The following MFSD1 variants were observed in gnomAD, a reference collection of about 807,000 sequenced individuals.
MFSD1 encodes the protein major facilitator superfamily domain containing 1.
In MFSD1, 59 loss-of-function variants were observed where a neutral mutation model predicts 67.1. The ratio of observed to expected loss-of-function variants is 0.88; its 90% CI spans 0.71 to 1.09. MFSD1 has a LOEUF of 1.09. Ranked by LOEUF, MFSD1 falls within the 50% of genes least tolerant of loss-of-function variation. The pLI is 0.00. For synonymous variants in MFSD1, 213 were observed against 200.3 expected (o/e 1.06, Z -0.54); for missense variants, 552 against 566.1 (o/e 0.97, Z 0.25).
chr3:158,824,516 G>T, intron 13 of MFSD1: 1 of 308,676 alleles, frequency 3.2e-6, no homozygotes, highest in Non-Finnish European at 6.0e-6. Flanking sequence ...GAAGAGTCCT[G>T]AGTATATCCT....
chr3:158,813,306 C>T (rs576588986), intron 6 of MFSD1, among the ~76,000 whole-genome samples: 7 of 152,086 alleles, frequency 4.6e-5, no homozygotes, highest in Admixed American at 6.5e-5. Context: ...CGTCACCATG[C>T]CTGGCTAATT....
At chr3:158,824,069 CTA>C in intron 12 of MFSD1, 53 bp from the exon 13 acceptor site, 1 of 1,181,244 alleles carries the variant, frequency 8.5e-7, no homozygotes, top group Non-Finnish European at 1.3e-6. Context: ...AAGTGTTAGC[CTA>C]TGTGTGAAGA....
chr3:158,821,864 C>A lies in MFSD1; in HGVS notation c.921-120C>A, dbSNP rs371786460. ...ACTGCTTTTTATATTTTTTGATGAG[C>A]ATTTTATAAGAATGTTAAATGAGTT... On this transcript the variant is annotated intron_variant, in intron 10 of 15. Transcript: ENST00000415822. 1.2e-5 allele frequency: 14 copies of A among 1,147,804 alleles called. No individual in the cohort carries two copies. The African/African-American group carries it at 1.2e-4, about 10-fold the overall frequency. The allele number at this position is 1,147,804 out of a possible 1,614,324, so 71.1% of individuals were successfully genotyped here.
At chr3:158,819,841 C>T in intron 8 of MFSD1, 94 bp downstream of exon 8, 1 of 624,908 alleles carries the variant, frequency 1.6e-6, no homozygotes, top group Non-Finnish European at 2.8e-6. Flanking sequence ...GTTGTAAAAC[C>T]AGGTGGAGCT....
intron 6 of MFSD1, among the ~76,000 whole-genome samples, chr3:158,811,296 C>A (rs776776974): frequency 6.6e-6 from 1 of 152,214 alleles, no homozygotes; most frequent in African/African-American, 2.4e-5. Flanking sequence ...GTACTTTTCA[C>A]ATCCTTAGTT....
intron 6 of MFSD1, among the ~76,000 whole-genome samples, chr3:158,811,697 A>G (rs1289044527): frequency 6.6e-6 from 1 of 152,236 alleles, no homozygotes; most frequent in Non-Finnish European, 1.5e-5. Context: ...GTGAAATGCT[A>G]TTGATAGGTC....
intron 2 of MFSD1, 145 bp downstream of exon 2, chr3:158,804,516 AG>A: frequency 1.8e-6 from 1 of 566,000 alleles, no homozygotes. Context: ...ACAAGTTGCA[AG>A]GGGTGTTCTT....
chr3:158,820,655 T>A (rs1205326340), intron 9 of MFSD1, among the ~76,000 whole-genome samples: 4 of 152,200 alleles, frequency 2.6e-5, no homozygotes, highest in Non-Finnish European at 5.9e-5. Context: ...AGGAAACTTA[T>A]AACCATGGCA....
At chr3:158,809,405 T>C (rs1291501773) in intron 6 of MFSD1, 118 bp downstream of exon 6, 1 of 656,472 alleles carries the variant, frequency 1.5e-6, no homozygotes, top group Non-Finnish European at 2.5e-6. Context: ...TATTAACTTT[T>C]ATGGATTTCT....
intron 5 of MFSD1, among the ~76,000 whole-genome samples, chr3:158,808,645 C>T (rs1576899370): frequency 1.3e-5 from 2 of 152,136 alleles, no homozygotes; most frequent in Admixed American, 1.3e-4. Context: ...GTGACTCCCA[C>T]ACTTAGCGGT....
chr3:158,805,587 T>C (rs1729685038), intron 3 of MFSD1, 113 bp downstream of exon 3: 1 of 849,308 alleles, frequency 1.2e-6, no homozygotes, highest in Admixed American at 2.3e-5. Context: ...AACTAATAAT[T>C]TGCTTGAGTT....
In MFSD1 at chr3:158,805,458, C is replaced by G. The variant is rs755350105; in HGVS notation, c.313C>G (p.Arg105Gly). ...LCFFGGFLIDRVFGIRWGTII... is the reference protein window; with the variant it reads ...LCFFGGFLIDGVFGIRWGTII... ...TTTCTTTGGTGGCTTTTTGATAGAC[C>G]GAGTATTTGGAATACGGTAAGCTTG... Residue 105 changes from arginine to glycine, a missense_variant, in exon 3 of 16, where the codon CGA becomes GGA. Transcript: ENST00000415822. The G allele has an allele frequency of 1.2e-6, 2 of 1,611,670 alleles. No homozygotes were observed. The highest frequency in any genetic ancestry group is 2.7e-5 in the African/African-American group (2 of 74,772).
chr3:158,817,841 G>A (rs1273943261), intron 7 of MFSD1, among the ~76,000 whole-genome samples: 3 of 152,082 alleles, frequency 2.0e-5, no homozygotes, highest in Non-Finnish European at 4.4e-5. Flanking sequence ...GCTACCTGAC[G>A]TCTTGTAGTG....
intron 2 of MFSD1, 48 bp downstream of exon 2, chr3:158,804,419 T>G (rs369413923): frequency 7.0e-5 from 105 of 1,508,180 alleles, no homozygotes; most frequent in Non-Finnish European, 9.3e-5. Flanking sequence ...TTAGAGCAAG[T>G]GTAGCGGTGG....
At chr3:158,826,393 C>T (rs1434322786) in intron 14 of MFSD1, among the ~76,000 whole-genome samples, 1 of 151,904 alleles carries the variant, frequency 6.6e-6, no homozygotes, top group Non-Finnish European at 1.5e-5. Flanking sequence ...TAAAAGAAAT[C>T]AGAACTAAGC....
In MFSD1 at chr3:158,802,164, G is replaced by A. The variant is rs771934686; in HGVS notation, c.12G>A (p.Glu4=). Residue 4 remains glutamate (E), a synonymous_variant, in exon 1 of 16, where the codon GAG becomes GAA. Coordinates refer to ENST00000415822, the MANE Select transcript of MFSD1 (RefSeq NM_022736.4). ...CTCCTGCGGGCGCAATGGAGGAGGA[G>A]GATGAGGAAGCGCGGGCGCTCCTGG... MEE[E]DEEARALLAG... is the part of the protein sequence containing the mutation. 6.2e-7 allele frequency: 1 copy of A among 1,612,696 alleles called. No individual in the cohort carries two copies. The highest frequency in any genetic ancestry group is 1.1e-5 in the South Asian group (1 of 90,924).
intron 3 of MFSD1, 71 bp from the exon 4 acceptor site, chr3:158,806,969 A>G: frequency 7.7e-7 from 1 of 1,299,310 alleles, no homozygotes; most frequent in Non-Finnish European, 1.1e-6. Flanking sequence ...TACTAATACT[A>G]ATGTAAACAG....
rs1052449900 is a variant in MFSD1, at chr3:158,829,714, G to A, written c.*732G>A. The stretch of plus-strand genomic sequence containing the variant: ...ATGGATAAATTAAAACACTGCACAC[G>A]GAGTACTTGATGTCTTCTTTTGATT... On this transcript the variant is annotated 3_prime_UTR_variant, in exon 16 of 16. Transcript: ENST00000415822. 1 of 152,136 alleles carries A rather than the reference G, an allele frequency of 6.6e-6. No homozygotes were observed. The highest frequency in any genetic ancestry group is 1.5e-5 in the Non-Finnish European group (1 of 68,020). 9.4% of individuals were successfully genotyped at this position (152,136 alleles called of 1,614,324 possible).
intron 7 of MFSD1, among the ~76,000 whole-genome samples, chr3:158,815,632 T>C (rs1483191924): frequency 1.3e-5 from 2 of 151,846 alleles, no homozygotes; most frequent in African/African-American, 4.8e-5. Flanking sequence ...ACTTTTCAAG[T>C]AGACTTTTTT....
Sources: allele counts gnomAD v4.1 joint callset (sites outside exome capture counted in the v4.1 genomes callset), GRCh38; gene constraint gnomAD v4.1.1; transcripts MANE v1.5; gene names NCBI Gene and HGNC (gene_info 2026-07-23, HGNC 2026-07-21).